ADRA1B: variants seen among roughly 807,000 people sequenced by gnomAD.
The protein encoded by ADRA1B is adrenoceptor alpha 1B, also known as alpha-1B adrenergic receptor.
ADRA1B carries 17 observed loss-of-function variants against 17.9 expected under a neutral mutation model. The ratio of observed to expected loss-of-function variants is 0.95; its 90% CI spans 0.65 to 1.42. The LOEUF (loss-of-function observed/expected upper bound fraction) is 1.42. Among genes scored for constraint, ADRA1B ranks in the 40% most tolerant of loss-of-function variants. The pLI is 0.00. For synonymous variants in ADRA1B, 366 were observed against 327.6 expected (o/e 1.12, Z -1.27); for missense variants, 681 against 722.1 (o/e 0.94, Z 0.65).
chr5:159,926,432 A>G (rs79686163), intron 1 of ADRA1B, among the ~76,000 whole-genome samples: 4,913 of 152,270 alleles, frequency 0.032, 97 homozygotes, highest in Middle Eastern at 0.044. Context: ...GTCCAAGTTC[A>G]AATTGTCTTC....
chr5:159,979,186 C>T, the ADRA1B span, among the ~76,000 whole-genome samples: 2 of 152,080 alleles, frequency 1.3e-5, no homozygotes, highest in African/African-American at 2.4e-5. Flanking sequence ...TTTAGAAAAA[C>T]CTTACATACA....
intron 1 of ADRA1B, among the ~76,000 whole-genome samples, chr5:159,871,621 TAGAATCATC>T (rs1753740805): frequency 2.0e-5 from 3 of 152,214 alleles, no homozygotes; most frequent in Middle Eastern, 3.4e-3. Context: ...ACCCTAAATC[TAGAATCATC>T]TCATCTCAAG....
rs780813155 is a variant in ADRA1B at position 159,971,853 on chromosome 5, C to T, written c.950-26C>T. 5 of 1,305,874 alleles carry T rather than the reference C, an allele frequency of 3.8e-6. No individual in the cohort carries two copies. In the South Asian group the frequency reaches 1.2e-4, roughly 32 times the overall value. The allele number at this position is 1,305,874 out of a possible 1,614,324, so 80.9% of individuals were successfully genotyped here. A position where few individuals can be genotyped will look rare whatever the true frequency, so the allele number is the denominator to read the frequency against. ...ACTCACAAATTGCTGTCTTTCTGCCCGTGCCCACCCCCCTCCCCACTGCAG... is the reference window on the plus strand; with the variant it reads ...ACTCACAAATTGCTGTCTTTCTGCCTGTGCCCACCCCCCTCCCCACTGCAG... On this transcript the variant is annotated intron_variant, in intron 1 of 1. Coordinates refer to ENST00000306675, the MANE Select transcript of ADRA1B (RefSeq NM_000679.4).
At chr5:159,895,003 T>C (rs1179184184) in intron 1 of ADRA1B, among the ~76,000 whole-genome samples, 2 of 152,338 alleles carry the variant, frequency 1.3e-5, no homozygotes, top group East Asian at 3.9e-4. Flanking sequence ...TGTATATAAA[T>C]TTATCTTTAA....
At chr5:159,894,142 C>T (rs1245284798) in intron 1 of ADRA1B, among the ~76,000 whole-genome samples, 6 of 152,216 alleles carry the variant, frequency 3.9e-5, no homozygotes, top group Non-Finnish European at 7.3e-5. Context: ...TGGTGCCCCG[C>T]AGGGAGACGC....
intron 1 of ADRA1B, among the ~76,000 whole-genome samples, chr5:159,939,006 A>G (rs1755030888): frequency 6.6e-6 from 1 of 152,184 alleles, no homozygotes; most frequent in Non-Finnish European, 1.5e-5. Flanking sequence ...GAATCAGACA[A>G]TTTTAAAGAT....
chr5:159,895,625 A>G (rs1003891679), intron 1 of ADRA1B, among the ~76,000 whole-genome samples: 1 of 152,220 alleles, frequency 6.6e-6, no homozygotes, highest in Admixed American at 6.5e-5. Flanking sequence ...CCTATGTAAC[A>G]AACCTGCACA....
At chr5:159,933,414 C>T (rs1041061430) in intron 1 of ADRA1B, among the ~76,000 whole-genome samples, 2 of 152,196 alleles carry the variant, frequency 1.3e-5, no homozygotes, top group African/African-American at 4.8e-5. Flanking sequence ...AAGGGTGTAG[C>T]AATTTGCACA....
At chr5:159,957,662 G>A (rs538886259) in intron 1 of ADRA1B, among the ~76,000 whole-genome samples, 18 of 151,400 alleles carry the variant, frequency 1.2e-4, no homozygotes, top group Middle Eastern at 3.4e-3. Context: ...ATCATTCCTT[G>A]GCCAGGATCA....
chr5:159,931,393 CAA>C (rs144950450), intron 1 of ADRA1B, among the ~76,000 whole-genome samples: 29 of 132,082 alleles, frequency 2.2e-4, no homozygotes, highest in Non-Finnish European at 1.5e-4. Context: ...GACCCTATCT[CAA>C]AAAAAAAAAA....
chr5:159,959,522 T>C (rs534206144), intron 1 of ADRA1B, among the ~76,000 whole-genome samples: 67 of 152,340 alleles, frequency 4.4e-4, no homozygotes, highest in African/African-American at 1.6e-3. Context: ...TCAACTGTTA[T>C]GATGGAAATC....
In ADRA1B at chr5:159,880,722, C is replaced by T. The variant is rs147920839; in HGVS notation, c.-256+15516C>T. ...CTACCCATCCAAGTTTTCCTATGCC[C>T]TCTGGGGCTAACACAGCAGGTCTAA... On this transcript the variant is annotated intron_variant, in intron 1 of 2. Transcript: ENST00000641205. 2.8e-3 allele frequency among the ~76,000 whole-genome samples: 420 copies of T among 152,320 alleles called. 3 individuals are homozygous for T. Among genetic ancestry groups the T allele is most frequent in the African/African-American group, 9.6e-3 (400 of 41,568 alleles).
At chr5:159,885,739 T>G (rs1753916804) in intron 1 of ADRA1B, among the ~76,000 whole-genome samples, 1 of 152,224 alleles carries the variant, frequency 6.6e-6, no homozygotes, top group African/African-American at 2.4e-5. Flanking sequence ...TATTACACAT[T>G]CTTTTTTATG....
At chr5:159,983,473 C>A in the ADRA1B span, among the ~76,000 whole-genome samples, 1 of 152,232 alleles carries the variant, frequency 6.6e-6, no homozygotes, top group Non-Finnish European at 1.5e-5. Flanking sequence ...GTAACAGAGA[C>A]AGGTATTCCT....
At chr5:159,959,171 C>G (rs1366850916) in intron 1 of ADRA1B, among the ~76,000 whole-genome samples, 1 of 152,122 alleles carries the variant, frequency 6.6e-6, no homozygotes, top group Non-Finnish European at 1.5e-5. Flanking sequence ...AACCCGTGTA[C>G]TATGGACTCT....
At chr5:159,916,256 G>A (rs1223301403), upstream of ADRA1B, 1 of 151,604 alleles carries the variant, frequency 6.6e-6, no homozygotes, top group Non-Finnish European at 1.5e-5. Context: ...CCGCCTAGGG[G>A]TGGGTGACCC....
At chr5:159,958,994 T>A (rs1006273956) in intron 1 of ADRA1B, among the ~76,000 whole-genome samples, 2 of 152,342 alleles carry the variant, frequency 1.3e-5, no homozygotes, top group East Asian at 3.9e-4. Context: ...GTAGCTCCCC[T>A]ACTGGAAGTT....
downstream of ADRA1B, among the ~76,000 whole-genome samples, chr5:159,976,709 G>A (rs1755979053): frequency 6.6e-6 from 1 of 151,060 alleles, no homozygotes; most frequent in East Asian, 1.9e-4. Context: ...AAGGTCATCA[G>A]TCCAAACTAA....
chr5:159,900,915 A>G (rs1185042001), intron 1 of ADRA1B, among the ~76,000 whole-genome samples: 1 of 152,236 alleles, frequency 6.6e-6, no homozygotes, highest in African/African-American at 2.4e-5. Flanking sequence ...GGTCACAAGA[A>G]TGTGCAAACT....
Sources: allele counts gnomAD v4.1 joint callset (sites outside exome capture counted in the v4.1 genomes callset), GRCh38; gene constraint gnomAD v4.1.1; transcripts MANE v1.5; gene names NCBI Gene and HGNC (gene_info 2026-07-23, HGNC 2026-07-21).